RPTOR: variants seen among roughly 807,000 people sequenced by gnomAD.
RPTOR encodes regulatory associated protein of MTOR complex 1.
Under a neutral mutation model 169.9 loss-of-function variants are expected in RPTOR, and 21 were observed. That is an observed-to-expected ratio of 0.12 (90% CI 0.09 to 0.18). RPTOR has a LOEUF of 0.18. Ranked by LOEUF, RPTOR falls within the 10% of genes least tolerant of loss-of-function variation. The pLI is 1.00. For missense variants in RPTOR, 1,133 were observed against 1,855.9 expected, an observed-to-expected ratio of 0.61 and a Z score of 7.16; for synonymous variants, 732 against 753.2, an observed-to-expected ratio of 0.97 and a Z score of 0.46.
chr17:80,869,953 G>A (rs1026163669), intron 13 of RPTOR, among the ~76,000 whole-genome samples: 14 of 152,138 alleles, frequency 9.2e-5, no homozygotes, highest in African/African-American at 3.1e-4. Context: ...GCTGTCTTCC[G>A]CTGGTCACAC....
chr17:80,579,423 C>G (rs558294294), intron 1 of RPTOR, among the ~76,000 whole-genome samples: 15 of 152,302 alleles, frequency 9.8e-5, no homozygotes, highest in African/African-American at 3.4e-4. Context: ...AACTCCCGAC[C>G]TCAGGTGATC....
In RPTOR at chr17:80,964,692, A is replaced by G; in HGVS notation, c.*362A>G. ...TAATCAGAGCATTAGCTGCAGAAAA[A>G]CCCCCCGACAGAGCCCTGGCGGAGA... On this transcript the variant is annotated 3_prime_UTR_variant, in exon 34 of 34. Transcript: ENST00000306801. The G allele has an allele frequency of 1.1e-5, 3 of 279,694 alleles. No individual in the cohort carries two copies. Among genetic ancestry groups the G allele is most frequent in the Admixed American group, 5.0e-5 (1 of 20,064 alleles). 17.3% of individuals were successfully genotyped at this position (279,694 alleles called of 1,614,324 possible).
At chr17:80,710,054 G>A (rs2066174528) in intron 4 of RPTOR, among the ~76,000 whole-genome samples, 1 of 151,184 alleles carries the variant, frequency 6.6e-6, no homozygotes, top group South Asian at 2.1e-4. Context: ...ATGGCTCACT[G>A]CAAACTCTGC....
Position 80,840,283 on chromosome 17 carries a change from C to T in RPTOR, c.1212+2286C>T, listed in dbSNP as rs139260853. On this transcript the variant is annotated intron_variant, in intron 10 of 33. Transcript: ENST00000306801. ...TCAGCATTGTTTGAGTAAGCTCACTCTCTCTGCACCGCAGCTCACACTCAC... is the reference window on the plus strand; with the variant it reads ...TCAGCATTGTTTGAGTAAGCTCACTTTCTCTGCACCGCAGCTCACACTCAC... 2.3e-3 allele frequency among the ~76,000 whole-genome samples: 349 copies of T among 152,096 alleles called. 1 individual carries two copies. The highest frequency in any genetic ancestry group is 3.5e-3 in the Non-Finnish European group (239 of 67,982).
chr17:80,889,039 G>A (rs2068283717), intron 17 of RPTOR, among the ~76,000 whole-genome samples: 3 of 152,246 alleles, frequency 2.0e-5, no homozygotes, highest in Admixed American at 2.0e-4. Context: ...CAGAGGCCTG[G>A]AGGGGTTTGG....
At chr17:80,689,520 A>C (rs1434942860) in intron 3 of RPTOR, among the ~76,000 whole-genome samples, 1 of 152,226 alleles carries the variant, frequency 6.6e-6, no homozygotes, top group East Asian at 1.9e-4. Context: ...TGCTGTTATG[A>C]GGAATTTACT....
At chr17:80,649,178 G>A (rs911750184) in intron 3 of RPTOR, among the ~76,000 whole-genome samples, 4 of 152,172 alleles carry the variant, frequency 2.6e-5, no homozygotes, top group Non-Finnish European at 1.5e-5. Flanking sequence ...AGTTGCCCTA[G>A]GACAGTACTC....
chr17:80,882,602 G>C (rs2068198081), intron 14 of RPTOR, among the ~76,000 whole-genome samples: 1 of 152,172 alleles, frequency 6.6e-6, no homozygotes, highest in Non-Finnish European at 1.5e-5. Context: ...GACACCAACA[G>C]TTTACTCCTT....
chr17:80,961,463 C>T lies in RPTOR; in HGVS notation c.3675C>T (p.Gly1225=), dbSNP rs1345857937. ...VKASLQKRPD[G]HIVSVSVNGD... is the part of the protein sequence containing the mutation. Reference sequence around the variant, plus strand: ...CCTCCCTGCAGAAGCGTCCCGACGGCCACATCGTGAGTGTGAGGTGAGGAG... The same window carrying T: ...CCTCCCTGCAGAAGCGTCCCGACGGTCACATCGTGAGTGTGAGGTGAGGAG... Residue 1225 remains glycine (G), a synonymous_variant, in exon 31 of 34, where the codon GGC becomes GGT. Transcript: ENST00000306801. The T allele has an allele frequency of 4.5e-6, 7 of 1,550,946 alleles. No homozygotes were observed. Among genetic ancestry groups the T allele is most frequent in the East Asian group, 2.4e-5 (1 of 41,030 alleles).
chr17:80,602,734 C>T, intron 1 of RPTOR: 2 of 766,064 alleles, frequency 2.6e-6, no homozygotes, highest in South Asian at 1.4e-5. Context: ...AGCCTGGTGT[C>T]AATGCACACA....
chr17:80,573,340 A>G (rs1348585079), intron 1 of RPTOR, among the ~76,000 whole-genome samples: 2 of 152,234 alleles, frequency 1.3e-5, no homozygotes, highest in African/African-American at 4.8e-5. Context: ...GAGCCTATAC[A>G]TCAATTTGGA....
intron 3 of RPTOR, among the ~76,000 whole-genome samples, chr17:80,689,553 A>G (rs2065973990): frequency 6.6e-6 from 1 of 152,246 alleles, no homozygotes; most frequent in South Asian, 2.1e-4. Context: ...TTCATCAGAT[A>G]GTTAGCGAGG....
intron 6 of RPTOR, among the ~76,000 whole-genome samples, chr17:80,755,242 G>A (rs2143340164): frequency 6.6e-6 from 1 of 152,262 alleles, no homozygotes. Flanking sequence ...CAAACTTGAG[G>A]GCTACAGGTT....
chr17:80,708,491 C>G lies in RPTOR; in HGVS notation c.507+492C>G, dbSNP rs1302978087. On this transcript the variant is annotated intron_variant, in intron 4 of 33. Transcript: ENST00000306801. This position sits in a 1 kb window ranked among gnomAD's most constrained non-coding sequence, Gnocchi z 4.2. ...CCTTTTGCAATTCCGTTGCCCAGGACCAGATGAAGTGCTTGCTCCCCTTCT... is the reference window on the plus strand; with the variant it reads ...CCTTTTGCAATTCCGTTGCCCAGGAGCAGATGAAGTGCTTGCTCCCCTTCT... Among the ~76,000 whole-genome samples, 1 of 152,208 alleles carries G rather than the reference C, an allele frequency of 6.6e-6. No homozygotes were observed. The highest frequency in any genetic ancestry group is 1.5e-5 in the Non-Finnish European group (1 of 68,050).
At chr17:80,763,126 G>A (rs1202050332) in intron 6 of RPTOR, among the ~76,000 whole-genome samples, 1 of 152,072 alleles carries the variant, frequency 6.6e-6, no homozygotes. Context: ...TATGCCTGTG[G>A]TCTCAGTTCC....
chr17:80,850,428 A>G (rs2067781269), intron 11 of RPTOR, among the ~76,000 whole-genome samples: 1 of 152,254 alleles, frequency 6.6e-6, no homozygotes, highest in Admixed American at 6.5e-5. Flanking sequence ...CATGATGCAC[A>G]GACGCTGCAG....
At chr17:80,907,627 G>A (rs2068559710) in intron 20 of RPTOR, among the ~76,000 whole-genome samples, 1 of 152,228 alleles carries the variant, frequency 6.6e-6, no homozygotes, top group Non-Finnish European at 1.5e-5. Context: ...AGCCCACATA[G>A]CCCGTGCCTG....
intron 7 of RPTOR, among the ~76,000 whole-genome samples, chr17:80,797,359 G>T (rs1002370457): frequency 6.6e-6 from 1 of 152,198 alleles, no homozygotes; most frequent in Non-Finnish European, 1.5e-5. Flanking sequence ...TGTTACCCAG[G>T]CTGGTCTTAA....
chr17:80,780,438 G>T (rs2066929794), intron 6 of RPTOR, among the ~76,000 whole-genome samples: 2 of 152,156 alleles, frequency 1.3e-5, no homozygotes, highest in Admixed American at 6.5e-5. Flanking sequence ...CAACTGGATA[G>T]ACGGTGGTTT....
Sources: allele counts gnomAD v4.1 joint callset (sites outside exome capture counted in the v4.1 genomes callset), GRCh38; gene constraint gnomAD v4.1.1; non-coding constraint Gnocchi (gnomAD v3.1); transcripts MANE v1.5; gene names NCBI Gene and HGNC (gene_info 2026-07-23, HGNC 2026-07-21).